The following TECRL variants were observed in gnomAD, a reference collection of about 807,000 sequenced individuals.
TECRL encodes trans-2,3-enoyl-CoA reductase-like.
TECRL carries 63 observed loss-of-function variants against 52.8 expected under a neutral mutation model. That is an observed-to-expected ratio of 1.19 (90% CI 0.97 to 1.47). TECRL has a LOEUF of 1.47. Ranked by LOEUF, TECRL falls within the 40% of genes most tolerant of loss-of-function variation. TECRL has a pLI of 0.00. For synonymous variants in TECRL, 164 were observed against 141.9 expected (o/e 1.16, Z -1.10); for missense variants, 482 against 429.6 (o/e 1.12, Z -1.08).
chr4:64,345,818 G>T (rs1337005044), intron 2 of TECRL, among the ~76,000 whole-genome samples: 2 of 137,570 alleles, frequency 1.5e-5, no homozygotes, highest in Non-Finnish European at 3.1e-5. Context: ...CTGTATGGTT[G>T]CAGGTAATCT....
chr4:64,318,185 A>T, intron 4 of TECRL, among the ~76,000 whole-genome samples: 1 of 152,148 alleles, frequency 6.6e-6, no homozygotes, highest in East Asian at 1.9e-4. Context: ...GTATACAAAG[A>T]CCAAACAGAC....
chr4:64,312,974 C>T (rs1481457170), intron 5 of TECRL, among the ~76,000 whole-genome samples: 2 of 152,074 alleles, frequency 1.3e-5, no homozygotes, highest in East Asian at 3.9e-4. Flanking sequence ...GAAGAAGTAC[C>T]TTCCGCCATA....
intron 1 of TECRL, among the ~76,000 whole-genome samples, chr4:64,403,475 G>GCACACACACA (rs148711260): frequency 1.3e-5 from 2 of 148,238 alleles, no homozygotes; most frequent in Non-Finnish European, 3.0e-5. Context: ...CTCCCTGAGC[G>GCACACACACA]CACACACACA....
chr4:64,277,126 G>T (rs911792784), downstream of TECRL: 2 of 1,013,198 alleles, frequency 2.0e-6, no homozygotes, highest in South Asian at 1.6e-5. Flanking sequence ...AGGTATGTCT[G>T]CCAACAGTAA....
intron 6 of TECRL, among the ~76,000 whole-genome samples, chr4:64,308,518 G>A (rs1442455902): frequency 6.6e-6 from 1 of 152,144 alleles, no homozygotes; most frequent in African/African-American, 2.4e-5. Context: ...GCCACAGAAG[G>A]CTTCCTTGTC....
intron 9 of TECRL, among the ~76,000 whole-genome samples, chr4:64,282,292 T>G (rs1405108148): frequency 6.6e-6 from 1 of 152,002 alleles, no homozygotes; most frequent in Non-Finnish European, 1.5e-5. Context: ...TAAAAGTAAA[T>G]ATGAATTATA....
At chr4:64,348,669 G>T (rs1720161838) in intron 2 of TECRL, among the ~76,000 whole-genome samples, 1 of 152,106 alleles carries the variant, frequency 6.6e-6, no homozygotes, top group South Asian at 2.1e-4. Context: ...GTCTGTTCTA[G>T]CATATTTCTT....
intron 2 of TECRL, among the ~76,000 whole-genome samples, chr4:64,335,255 T>C (rs1419765890): frequency 6.6e-6 from 1 of 152,116 alleles, no homozygotes; most frequent in Non-Finnish European, 1.5e-5. Context: ...TGGCTCCTTG[T>C]CAGATAAGTG....
chr4:64,348,806 G>A (rs548963311), intron 2 of TECRL, among the ~76,000 whole-genome samples: 14 of 152,116 alleles, frequency 9.2e-5, no homozygotes, highest in South Asian at 2.1e-4. Flanking sequence ...CATGGTTCCC[G>A]GTGAGATTGA....
At chr4:64,377,728 C>T (rs1340573435) in intron 1 of TECRL, among the ~76,000 whole-genome samples, 1 of 151,938 alleles carries the variant, frequency 6.6e-6, no homozygotes, top group East Asian at 1.9e-4. Flanking sequence ...TTGATGAAAA[C>T]AAAAAAGCTT....
At chr4:64,404,069 A>G (rs2035460) in intron 1 of TECRL, among the ~76,000 whole-genome samples, 91,362 of 151,780 alleles carry the variant, frequency 0.6, 29,907 homozygotes, top group Non-Finnish European at 0.74. Context: ...AAGGTTACAA[A>G]GGTATAATTT....
rs564341054 is a variant in TECRL at position 64,280,021 on chromosome 4, A to G, written c.*51T>C. The G allele has an allele frequency of 9.1e-6, 14 of 1,536,192 alleles. No homozygotes were observed. Among genetic ancestry groups the G allele is most frequent in the Admixed American group, 6.2e-5 (3 of 48,232 alleles). ...AGTTAACTATCCTTAACTAAGTCTTATTTATTGAATTTATATGTTGCTGTT... is the reference window on the plus strand; with the variant it reads ...AGTTAACTATCCTTAACTAAGTCTTGTTTATTGAATTTATATGTTGCTGTT... On this transcript the variant is annotated 3_prime_UTR_variant, in exon 12 of 12. Coordinates refer to ENST00000381210, the MANE Select transcript of TECRL (RefSeq NM_001010874.5).
intron 6 of TECRL, among the ~76,000 whole-genome samples, chr4:64,308,831 G>A (rs1724501310): frequency 1.3e-5 from 2 of 152,088 alleles, no homozygotes; most frequent in Admixed American, 6.6e-5. Flanking sequence ...TGTGATATAT[G>A]TCAAGTTAAC....
chr4:64,280,023 T>C lies in TECRL; in HGVS notation c.*49A>G, dbSNP rs777981538. 7.1e-6 allele frequency: 11 copies of C among 1,541,578 alleles called. No homozygotes were observed. Among genetic ancestry groups the C allele is most frequent in the Non-Finnish European group, 9.6e-6 (11 of 1,143,494 alleles). On this transcript the variant is annotated 3_prime_UTR_variant, in exon 12 of 12. Transcript: ENST00000381210. The stretch of plus-strand genomic sequence containing the variant: ...TTAACTATCCTTAACTAAGTCTTAT[T>C]TATTGAATTTATATGTTGCTGTTTT...
rs1722683387 is a variant in TECRL at position 64,278,961 on chromosome 4, T to C, written c.*1111A>G. ...GAATTCAGTTTTTATGGCTGCATAGTATTCTATTGTGTATATATACCACAT... is the reference window on the plus strand; with the variant it reads ...GAATTCAGTTTTTATGGCTGCATAGCATTCTATTGTGTATATATACCACAT... On this transcript the variant is annotated 3_prime_UTR_variant, in exon 12 of 12. Transcript: ENST00000381210. The C allele has an allele frequency of 6.6e-6, 1 of 152,214 alleles. No individual in the cohort carries two copies. The allele number at this position is 152,214 out of a possible 1,614,324, so 9.4% of individuals were successfully genotyped here.
rs572954700 is a variant in TECRL, at chr4:64,382,561, A to G, written c.235-7338T>C. 2.8e-4 allele frequency among the ~76,000 whole-genome samples: 43 copies of G among 151,652 alleles called. 2 individuals carry two copies. The South Asian group carries it at 8.7e-3, about 31-fold the overall frequency. On this transcript the variant is annotated intron_variant, in intron 1 of 11. Transcript: ENST00000381210. Reference sequence around the variant, plus strand: ...CTTTTGGTTTTCGTTTGTATGGAATATCTTTTCATCTCTTCATTTTCAGTC... The same window carrying G: ...CTTTTGGTTTTCGTTTGTATGGAATGTCTTTTCATCTCTTCATTTTCAGTC...
intron 1 of TECRL, among the ~76,000 whole-genome samples, chr4:64,403,663 G>T (rs1361543946): frequency 6.6e-6 from 1 of 151,818 alleles, no homozygotes; most frequent in African/African-American, 2.4e-5. Flanking sequence ...TAAGGAAAAA[G>T]AAATCACACT....
At chr4:64,340,809 C>G (rs562319816) in intron 2 of TECRL, among the ~76,000 whole-genome samples, 1 of 152,294 alleles carries the variant, frequency 6.6e-6, no homozygotes, top group South Asian at 2.1e-4. Context: ...CTTGTGGTGT[C>G]TTTTCTGGGC....
chr4:64,355,712 G>A (rs1031979081), intron 2 of TECRL, among the ~76,000 whole-genome samples: 3 of 150,918 alleles, frequency 2.0e-5, no homozygotes, highest in African/African-American at 4.9e-5. Context: ...TGAGAATGGC[G>A]TGAAGCTGGG....
Sources: gnomAD v4.1 joint callset for allele counts (sites outside exome capture counted in the v4.1 genomes callset) on GRCh38, gnomAD v4.1.1 for gene constraint, MANE v1.5 for transcripts, NCBI Gene and HGNC (gene_info 2026-07-23, HGNC 2026-07-21) for gene names.